RAP1GDS1: variants seen among roughly 807,000 people sequenced by gnomAD.
RAP1GDS1 encodes the protein Rap1 GTPase-GDP dissociation stimulator 1.
A neutral mutation model predicts 71.1 loss-of-function variants in RAP1GDS1; 35 were observed. The ratio of observed to expected loss-of-function variants is 0.49; its 90% CI spans 0.38 to 0.65. The LOEUF is 0.65. Among genes scored for constraint, RAP1GDS1 ranks in the 30% least tolerant of loss-of-function variants. The probability of loss-of-function intolerance (pLI) is 0.00; values close to 1 mark genes in which losing one functional copy is unlikely to be tolerated. For missense variants in RAP1GDS1, 663 were observed against 706.1 expected (o/e 0.94, Z 0.69); for synonymous variants, 229 against 243.1 (o/e 0.94, Z 0.54).
intron 2 of RAP1GDS1, among the ~76,000 whole-genome samples, chr4:98,300,391 T>C (rs930588599): frequency 6.7e-6 from 1 of 148,792 alleles, no homozygotes; most frequent in African/African-American, 2.4e-5. Context: ...TACAGTATAG[T>C]GTAGACAGAA....
In RAP1GDS1 at chr4:98,361,759, T is replaced by C. The variant is rs538618412; in HGVS notation, c.361+9158T>C. ...TTCATTTACTTTTCCTGATCTGGCA[T>C]TACAAGTGTAAATGTATATACACCT... On this transcript the variant is annotated intron_variant, in intron 4 of 14. Transcript: ENST00000408927. Among the ~76,000 whole-genome samples, 4 of 152,302 alleles carry C rather than the reference T, an allele frequency of 2.6e-5. No individual in the cohort carries two copies. In the South Asian group the frequency reaches 8.3e-4, roughly 32 times the overall value.
intron 1 of RAP1GDS1, among the ~76,000 whole-genome samples, chr4:98,273,069 A>G (rs778771272): frequency 3.3e-5 from 5 of 152,054 alleles, no homozygotes; most frequent in Non-Finnish European, 5.9e-5. Flanking sequence ...TCAATTGGTC[A>G]TTGTCGACTT....
intron 12 of RAP1GDS1, among the ~76,000 whole-genome samples, chr4:98,432,396 A>T (rs1011850747): frequency 4.6e-5 from 7 of 152,116 alleles, no homozygotes; most frequent in African/African-American, 7.2e-5. Flanking sequence ...TTTTTATAAA[A>T]TTTTTTACTA....
intron 7 of RAP1GDS1, among the ~76,000 whole-genome samples, chr4:98,416,314 C>T (rs71612631): frequency 8.6e-6 from 1 of 116,712 alleles, no homozygotes; most frequent in Non-Finnish European, 1.8e-5. Flanking sequence ...AATGTATTAT[C>T]TAAATCATGC....
At chr4:98,335,461 GTTGT>G (rs139341422) in intron 2 of RAP1GDS1, among the ~76,000 whole-genome samples, 6,952 of 152,016 alleles carry the variant, frequency 0.046, 391 homozygotes, top group African/African-American at 0.13. Flanking sequence ...CTCTATTAGG[GTTGT>G]TTGTTTGTTT....
chr4:98,319,705 C>T (rs891386369), intron 2 of RAP1GDS1, among the ~76,000 whole-genome samples: 7 of 147,644 alleles, frequency 4.7e-5, no homozygotes, highest in African/African-American at 1.0e-4. Flanking sequence ...CGCTTGAACT[C>T]GGTAGGCGAA....
chr4:98,396,508 C>T (rs2110137355), intron 6 of RAP1GDS1: 1 of 152,324 alleles, frequency 6.6e-6, no homozygotes, highest in East Asian at 1.9e-4. Flanking sequence ...TCAGCCTAGT[C>T]TCCCCCAGTC....
intron 4 of RAP1GDS1, among the ~76,000 whole-genome samples, chr4:98,368,798 A>G (rs934458960): frequency 1.4e-4 from 22 of 152,280 alleles, no homozygotes; most frequent in African/African-American, 5.1e-4. Context: ...GAAGCCCTAT[A>G]TTTACCTATA....
Position 98,343,165 on chromosome 4 carries a change from G to A in RAP1GDS1, c.139G>A (p.Ala47Thr), listed in dbSNP as rs752990942. 1.3e-5 allele frequency: 21 copies of A among 1,608,018 alleles called. No homozygotes were observed. The Middle Eastern group carries it at 4.9e-4, about 38-fold the overall frequency. Residue 47 changes from alanine to threonine, a missense_variant, in exon 3 of 15, where the codon GCA becomes ACA. Coordinates refer to ENST00000408927, the MANE Select transcript of RAP1GDS1 (RefSeq NM_001100427.2). Reference sequence around the variant, plus strand: ...TACGGAAACAAGTGAAAAAATCCAAGCAAGTGGAATACTTCAGCTGTTTGC... The same window carrying A: ...TACGGAAACAAGTGAAAAAATCCAAACAAGTGGAATACTTCAGCTGTTTGC... ...NNTETSEKIQ[A>T]SGILQLFASL...
intron 6 of RAP1GDS1, among the ~76,000 whole-genome samples, chr4:98,400,779 C>A (rs1350165307): frequency 6.6e-6 from 1 of 152,118 alleles, no homozygotes; most frequent in Non-Finnish European, 1.5e-5. Flanking sequence ...TTACCCTGAT[C>A]TGCTTACTAT....
At chr4:98,408,243 C>T (rs767706474) in intron 7 of RAP1GDS1, among the ~76,000 whole-genome samples, 13 of 152,146 alleles carry the variant, frequency 8.5e-5, no homozygotes, top group South Asian at 6.2e-4. Context: ...TCTCCTGCCT[C>T]GGCTTCTCAA....
intron 1 of RAP1GDS1, among the ~76,000 whole-genome samples, chr4:98,292,875 A>G (rs1578328766): frequency 6.6e-6 from 1 of 152,166 alleles, no homozygotes; most frequent in Non-Finnish European, 1.5e-5. Context: ...ATAATCCAAA[A>G]TATGCATGTT....
chr4:98,325,981 T>C (rs1290584240), intron 2 of RAP1GDS1, among the ~76,000 whole-genome samples: 1 of 152,138 alleles, frequency 6.6e-6, no homozygotes, highest in Admixed American at 6.5e-5. Context: ...TTATCAGCAG[T>C]TTACCAGTTG....
chr4:98,399,730 ATAT>A (rs1030359828), intron 6 of RAP1GDS1, among the ~76,000 whole-genome samples: 4 of 152,222 alleles, frequency 2.6e-5, no homozygotes, highest in African/African-American at 9.6e-5. Context: ...CCACAATGAC[ATAT>A]TATCTCACCC....
In RAP1GDS1 at chr4:98,371,961, T is replaced by C. The variant is rs141871547; in HGVS notation, c.362-7056T>C. Among the ~76,000 whole-genome samples the C allele has an allele frequency of 3.5e-3, 540 of 152,312 alleles. 3 individuals carry two copies. Among genetic ancestry groups the C allele is most frequent in the African/African-American group, 0.012 (506 of 41,574 alleles). ...TCCCTTTTAAGTGACATTTAGATTATATGTATTTAATATGATCTTTCTGTG... is the reference window on the plus strand; with the variant it reads ...TCCCTTTTAAGTGACATTTAGATTACATGTATTTAATATGATCTTTCTGTG... On this transcript the variant is annotated intron_variant, in intron 4 of 14. Coordinates refer to ENST00000408927, the MANE Select transcript of RAP1GDS1 (RefSeq NM_001100427.2).
chr4:98,344,437 C>T (rs1398293630), intron 3 of RAP1GDS1, among the ~76,000 whole-genome samples: 1 of 152,114 alleles, frequency 6.6e-6, no homozygotes, highest in African/African-American at 2.4e-5. Flanking sequence ...AGAGACTCCA[C>T]AATTTTTATC....
At chr4:98,268,358 C>T (rs1722983676) in intron 1 of RAP1GDS1, among the ~76,000 whole-genome samples, 2 of 152,044 alleles carry the variant, frequency 1.3e-5, no homozygotes, top group African/African-American at 4.8e-5. Flanking sequence ...CCATAGCTAA[C>T]ATCATACTTA....
Position 98,442,284 on chromosome 4 carries a change from A to G in RAP1GDS1, c.*167A>G, listed in dbSNP as rs755505548. 27 of 916,694 alleles carry G rather than the reference A, an allele frequency of 2.9e-5. No homozygotes were observed. Among genetic ancestry groups the G allele is most frequent in the East Asian group, 5.6e-5 (2 of 35,520 alleles). 56.8% of individuals were successfully genotyped at this position (916,694 alleles called of 1,614,324 possible). ...CCTCCCTAATAAGATTTCTAAACCT[A>G]TAGTTAGTGTGATCATGACTTTGTC... On this transcript the variant is annotated 3_prime_UTR_variant, in exon 15 of 15. Transcript: ENST00000408927.
At chr4:98,357,351 A>G (rs141304061) in intron 4 of RAP1GDS1, among the ~76,000 whole-genome samples, 422 of 152,056 alleles carry the variant, frequency 2.8e-3, no homozygotes, top group Non-Finnish European at 4.9e-3. Context: ...TTCAGTTTTC[A>G]TCAATCTGTT....
Sources: allele counts gnomAD v4.1 joint callset (sites outside exome capture counted in the v4.1 genomes callset), GRCh38; gene constraint gnomAD v4.1.1; transcripts MANE v1.5; gene names NCBI Gene and HGNC (gene_info 2026-07-23, HGNC 2026-07-21).